The following TEX11 variants were observed in gnomAD, a reference collection of about 807,000 sequenced individuals.
The protein encoded by TEX11 is testis-expressed protein 11.
TEX11 carries 7 observed loss-of-function variants against 84.4 expected under a neutral mutation model. The observed-to-expected ratio is 0.08, with a 90% CI of 0.05 to 0.16. The LOEUF is 0.16. Among genes scored for constraint, TEX11 ranks in the 10% least tolerant of loss-of-function variants. TEX11 has a pLI of 1.00. For synonymous variants in TEX11, 264 were observed against 222.8 expected, an observed-to-expected ratio of 1.18 and a Z score of -1.64; for missense variants, 551 against 660.5, an observed-to-expected ratio of 0.83 and a Z score of 1.82.
intron 13 of TEX11, among the ~76,000 whole-genome samples, chrX:70,708,586 G>C (rs1340167575): frequency 3.6e-5 from 4 of 111,825 alleles, no homozygotes; most frequent in Non-Finnish European, 7.5e-5. Context: ...AGAAGATGTG[G>C]TACATATATA....
chrX:70,766,798 G>T (rs758571149), intron 9 of TEX11, among the ~76,000 whole-genome samples: 6 of 111,418 alleles, frequency 5.4e-5, no homozygotes, highest in Non-Finnish European at 9.4e-5. Context: ...CAATGGAACA[G>T]AATAGAGATC....
At chrX:70,586,027 G>A (rs1172771060) in intron 25 of TEX11, among the ~76,000 whole-genome samples, 1 of 112,679 alleles carries the variant, frequency 8.9e-6, no homozygotes, top group Non-Finnish European at 1.9e-5. Flanking sequence ...ACTCCAGCCT[G>A]GGCAACAAGC....
intron 28 of TEX11, among the ~76,000 whole-genome samples, chrX:70,539,039 T>TATA (rs1555978760): frequency 2.4e-4 from 4 of 16,623 alleles, no homozygotes; most frequent in Admixed American, 9.4e-4. Context: ...TATATATATA[T>TATA]TTTTTTTTTT....
At chrX:70,725,495 A>G (rs949428238) in intron 11 of TEX11, 152 bp from the exon 12 acceptor site, 5 of 345,929 alleles carry the variant, frequency 1.4e-5, no homozygotes, top group Non-Finnish European at 2.0e-5. Context: ...CATTTGTTCT[A>G]TCCCTGAGGA....
chrX:70,593,095 A>G (rs201004109), intron 24 of TEX11, among the ~76,000 whole-genome samples: 9 of 102,884 alleles, frequency 8.7e-5, no homozygotes, highest in Admixed American at 3.2e-4. Context: ...ACACACACAC[A>G]CGCACACGCA....
intron 7 of TEX11, among the ~76,000 whole-genome samples, chrX:70,845,840 A>G (rs931887049): frequency 1.3e-4 from 15 of 111,154 alleles, no homozygotes; most frequent in Non-Finnish European, 2.5e-4. Flanking sequence ...ACGCACACAC[A>G]AAATAGTTAA....
Position 70,609,116 on chromosome X carries a change from A to G in TEX11, c.1854T>C (p.Asn618=), listed in dbSNP as rs1483764414. The change falls in exon 22 of 30, where the codon AAT becomes AAC. Residue 618 remains asparagine, a synonymous_variant. Coordinates refer to ENST00000374333, the MANE Select transcript of TEX11 (RefSeq NM_031276.3). ...EEALSLESRA[N]EAQWFRKTAW... ...CTGTTTTTCGAAACCACTGAGCTTC[A>G]TTAGCTCTTGACTCCAAACTTAAGG... 8.3e-7 allele frequency: 1 copy of G among 1,207,641 alleles called. No homozygotes were observed. Among genetic ancestry groups the G allele is most frequent in the East Asian group, 3.0e-5 (1 of 33,678 alleles).
rs192045187 is a variant in TEX11, at chrX:70,761,413, T to C, written c.693-17194A>G. ...AAGAAAATGTGGCACATATACACCA[T>C]GGAACACTATGCAGCCATAAAAAAG... On this transcript the variant is annotated intron_variant, in intron 9 of 29. Coordinates refer to ENST00000374333, the MANE Select transcript of TEX11 (RefSeq NM_031276.3). 4.5e-4 allele frequency among the ~76,000 whole-genome samples: 50 copies of C among 112,013 alleles called. No individual in the cohort carries two copies. In the East Asian group the frequency reaches 0.013, roughly 30 times the overall value.
intron 14 of TEX11, among the ~76,000 whole-genome samples, chrX:70,679,723 C>A (rs1429742034): frequency 1.9e-5 from 2 of 104,242 alleles, no homozygotes; most frequent in African/African-American, 3.5e-5. Context: ...CCTCGTCAGG[C>A]AGGGAGGTGG....
intron 7 of TEX11, among the ~76,000 whole-genome samples, chrX:70,834,359 T>C (rs1182896998): frequency 9.0e-6 from 1 of 111,282 alleles, no homozygotes; most frequent in Non-Finnish European, 1.9e-5. Context: ...ATCTGCAGGG[T>C]TCCTTTCAGT....
rs758315222 is a variant in TEX11, at chrX:70,609,183, T to C, written c.1793-6A>G. ...CTGAGAAAGTTTCACAAAGGCTGCATCAAACAGGAAAATTTGATACTGATG... is the reference window on the plus strand; with the variant it reads ...CTGAGAAAGTTTCACAAAGGCTGCACCAAACAGGAAAATTTGATACTGATG... On this transcript the variant is annotated splice_polypyrimidine_tract_variant and splice_region_variant and intron_variant, in intron 21 of 29. Transcript: ENST00000374333. 3.3e-6 allele frequency: 4 copies of C among 1,203,506 alleles called. No homozygotes were observed. The highest frequency in any genetic ancestry group is 3.6e-5 in the South Asian group (2 of 55,188).
chrX:70,612,869 T>C (rs184262249), intron 20 of TEX11, among the ~76,000 whole-genome samples: 3 of 111,081 alleles, frequency 2.7e-5, no homozygotes, highest in Non-Finnish European at 5.7e-5. Context: ...AAAAGACATC[T>C]AGGCATTTTA....
Position 70,613,442 on chromosome X carries a change from T to A in TEX11, c.1752-2899A>T, listed in dbSNP as rs1394499956. Among the ~76,000 whole-genome samples the A allele has an allele frequency of 2.1e-4, 23 of 111,765 alleles. No homozygotes were observed. The Admixed American group carries it at 2.2e-3, about 11-fold the overall frequency. ...TTGCACTGAACTCAGTGCTGCCCTG[T>A]CACAGCAGGAAGGAAAACTGGGCTA... is the stretch of plus-strand genomic sequence containing the variant. On this transcript the variant is annotated intron_variant, in intron 20 of 29. Coordinates refer to ENST00000374333, the MANE Select transcript of TEX11 (RefSeq NM_031276.3).
intron 8 of TEX11, among the ~76,000 whole-genome samples, chrX:70,812,067 T>C (rs1236849890): frequency 8.9e-6 from 1 of 111,749 alleles, no homozygotes; most frequent in East Asian, 2.8e-4. Flanking sequence ...TTTGTTGCCA[T>C]TGTTTTTGGC....
intron 4 of TEX11, among the ~76,000 whole-genome samples, chrX:70,871,076 C>A (rs1051260351): frequency 8.9e-6 from 1 of 112,019 alleles, no homozygotes; most frequent in Admixed American, 9.5e-5. Context: ...CCATGCCCGA[C>A]TAATTTTTGT....
intron 12 of TEX11, 130 bp downstream of exon 12, chrX:70,725,132 C>G (rs1297122877): frequency 5.7e-6 from 2 of 353,564 alleles, no homozygotes; most frequent in African/African-American, 5.4e-5. Flanking sequence ...TTTCCCTTTC[C>G]TGGGTGATCA....
intron 25 of TEX11, among the ~76,000 whole-genome samples, chrX:70,570,808 C>A (rs1485675238): frequency 9.0e-6 from 1 of 111,435 alleles, no homozygotes; most frequent in Non-Finnish European, 1.9e-5. Context: ...TCCATTTTGT[C>A]CAAACTGTCA....
At chrX:70,789,554 T>C (rs148453891) in intron 9 of TEX11, among the ~76,000 whole-genome samples, 3,018 of 111,939 alleles carry the variant, frequency 0.027, 50 homozygotes, top group Non-Finnish European at 0.037. Context: ...AGCAAGACTC[T>C]GTCTCAAACA....
At chrX:70,832,645 T>C (rs928933293) in intron 8 of TEX11, among the ~76,000 whole-genome samples, 1 of 111,437 alleles carries the variant, frequency 9.0e-6, no homozygotes. Context: ...CCATTATTAA[T>C]CCCTCTGTGA....
Sources: gnomAD v4.1 joint callset for allele counts (sites outside exome capture counted in the v4.1 genomes callset) on GRCh38, gnomAD v4.1.1 for gene constraint, MANE v1.5 for transcripts, NCBI Gene and HGNC (gene_info 2026-07-23, HGNC 2026-07-21) for gene names.